The following HTR7 variants were observed in gnomAD, a reference collection of about 807,000 sequenced individuals.
HTR7 encodes the protein 5-hydroxytryptamine receptor 7.
A neutral mutation model predicts 34.0 loss-of-function variants in HTR7; 16 were observed. The ratio of observed to expected loss-of-function variants is 0.47; its 90% CI spans 0.32 to 0.71. The LOEUF is 0.71. Ranked by LOEUF, HTR7 falls within the 30% of genes least tolerant of loss-of-function variation. The pLI is 0.04. For synonymous variants in HTR7, 265 were observed against 260.2 expected (o/e 1.02, Z -0.18); for missense variants, 504 against 625.5 (o/e 0.81, Z 2.07).
intron 1 of HTR7, among the ~76,000 whole-genome samples, chr10:90,806,540 A>G (rs561296193): frequency 2.6e-5 from 4 of 152,306 alleles, no homozygotes; most frequent in Admixed American, 2.6e-4. Flanking sequence ...CGGAGCTTGT[A>G]GTGAGCCGAG....
intron 1 of HTR7, among the ~76,000 whole-genome samples, chr10:90,797,006 C>T (rs147733474): frequency 3.4e-5 from 5 of 148,776 alleles, no homozygotes; most frequent in African/African-American, 7.5e-5. Flanking sequence ...AGCAAGACTC[C>T]GTCTCAAAAA....
At chr10:90,850,994 T>C (rs1846488928) in intron 1 of HTR7, among the ~76,000 whole-genome samples, 2 of 152,076 alleles carry the variant, frequency 1.3e-5, no homozygotes, top group Admixed American at 1.3e-4. Flanking sequence ...ATTAAAGATA[T>C]CAATACACAA....
chr10:90,756,105 A>C (rs140697300), intron 1 of HTR7, among the ~76,000 whole-genome samples: 2,300 of 152,344 alleles, frequency 0.015, 19 homozygotes, highest in Middle Eastern at 0.024. Flanking sequence ...GAGCTAAAGA[A>C]GCTAAAAAAC....
intron 1 of HTR7, among the ~76,000 whole-genome samples, chr10:90,792,852 G>T (rs1354794125): frequency 6.6e-6 from 1 of 151,996 alleles, no homozygotes; most frequent in Non-Finnish European, 1.5e-5. Context: ...ACATGCAAAA[G>T]AATACAGTTG....
intron 1 of HTR7, among the ~76,000 whole-genome samples, chr10:90,837,983 C>A (rs1846277856): frequency 6.6e-6 from 1 of 152,184 alleles, no homozygotes; most frequent in Admixed American, 6.5e-5. Context: ...GACTAACCAT[C>A]CCTTTTTAAG....
chr10:90,763,938 T>C (rs879204315), intron 1 of HTR7, among the ~76,000 whole-genome samples: 3 of 152,208 alleles, frequency 2.0e-5, no homozygotes, highest in African/African-American at 4.8e-5. Context: ...TGTGTCTTTA[T>C]AGTAGAATAA....
At chr10:90,793,769 A>T (rs907587812) in intron 1 of HTR7, among the ~76,000 whole-genome samples, 1 of 152,138 alleles carries the variant, frequency 6.6e-6, no homozygotes, top group African/African-American at 2.4e-5. Context: ...AAACCTCAAA[A>T]ATAGGGAAGC....
chr10:90,828,671 T>TA (rs1159177285), intron 1 of HTR7, among the ~76,000 whole-genome samples: 2 of 152,038 alleles, frequency 1.3e-5, no homozygotes, highest in African/African-American at 4.8e-5. Context: ...AACATACCGA[T>TA]AACAAGTAAT....
intron 1 of HTR7, among the ~76,000 whole-genome samples, chr10:90,842,853 T>C (rs1846350841): frequency 6.6e-6 from 1 of 152,170 alleles, no homozygotes; most frequent in African/African-American, 2.4e-5. Flanking sequence ...ACTGGCAGCT[T>C]TGCTAATGTC....
Position 90,772,879 on chromosome 10 carries a change from T to A in HTR7, c.540-23285A>T, listed in dbSNP as rs1589444518. ...CTTTACAACCCTCTAGATATTATTA[T>A]CATCCCTATTTTACAAATGAGGAAA... On this transcript the variant is annotated intron_variant, in intron 1 of 3. Transcript: ENST00000336152. Among the ~76,000 whole-genome samples the A allele has an allele frequency of 1.3e-5, 2 of 152,306 alleles. 1 individual carries two copies. Among genetic ancestry groups the A allele is most frequent in the South Asian group, 4.1e-4 (2 of 4,830 alleles).
chr10:90,745,126 G>T (rs984609118), intron 2 of HTR7, among the ~76,000 whole-genome samples: 8 of 152,110 alleles, frequency 5.3e-5, no homozygotes, highest in African/African-American at 1.9e-4. Flanking sequence ...CAGAAAGGTT[G>T]CCATGTGCAT....
intron 1 of HTR7, among the ~76,000 whole-genome samples, chr10:90,845,198 C>T (rs1846395926): frequency 6.6e-6 from 1 of 152,106 alleles, no homozygotes. Flanking sequence ...GGATGGGAAC[C>T]TTGGACGAGG....
chr10:90,850,072 G>T (rs1011177601), intron 1 of HTR7, among the ~76,000 whole-genome samples: 26 of 152,248 alleles, frequency 1.7e-4, no homozygotes, highest in Admixed American at 9.2e-4. Flanking sequence ...AGAGCACTTG[G>T]CAGTCTCTTG....
intron 1 of HTR7, among the ~76,000 whole-genome samples, chr10:90,777,901 T>C (rs1030532121): frequency 6.6e-6 from 1 of 152,186 alleles, no homozygotes; most frequent in Admixed American, 6.6e-5. Flanking sequence ...ACAATGCCAC[T>C]TCCTTATCCA....
At chr10:90,811,957 C>T (rs1002412558) in intron 1 of HTR7, among the ~76,000 whole-genome samples, 3 of 152,172 alleles carry the variant, frequency 2.0e-5, no homozygotes, top group Non-Finnish European at 4.4e-5. Flanking sequence ...GTTTTTCAGG[C>T]TCTTAGTATT....
At chr10:90,849,332 T>C (rs1441167664) in intron 1 of HTR7, among the ~76,000 whole-genome samples, 2 of 152,222 alleles carry the variant, frequency 1.3e-5, no homozygotes, top group Non-Finnish European at 2.9e-5. Context: ...ACTTGGTAGT[T>C]TTTTGACATT....
In HTR7 at chr10:90,745,002, G is replaced by T. The variant is rs561948268; in HGVS notation, c.1296-1312C>A. On this transcript the variant is annotated intron_variant, in intron 2 of 3. Coordinates refer to ENST00000336152, the MANE Select transcript of HTR7 (RefSeq NM_019859.4). Reference sequence around the variant, plus strand: ...ATGCTTTGACCAACTTCATAGACATGCTTGAGTTCATATCCTTCAGGAAGT... The same window carrying T: ...ATGCTTTGACCAACTTCATAGACATTCTTGAGTTCATATCCTTCAGGAAGT... Among the ~76,000 whole-genome samples the T allele has an allele frequency of 2.5e-4, 38 of 152,218 alleles. No individual in the cohort carries two copies. In the South Asian group the frequency reaches 3.3e-3, roughly 13 times the overall value.
At chr10:90,759,932 A>G (rs1471431905) in intron 1 of HTR7, among the ~76,000 whole-genome samples, 3 of 152,210 alleles carry the variant, frequency 2.0e-5, no homozygotes, top group African/African-American at 4.8e-5. Flanking sequence ...AGTTTATACA[A>G]ATCCAACCTC....
At chr10:90,831,228 G>A (rs1015855228) in intron 1 of HTR7, among the ~76,000 whole-genome samples, 1 of 152,164 alleles carries the variant, frequency 6.6e-6, no homozygotes, top group Non-Finnish European at 1.5e-5. Flanking sequence ...GCAGACCCTC[G>A]CCGTGAGTGT....
Sources: allele counts gnomAD v4.1 joint callset (sites outside exome capture counted in the v4.1 genomes callset), GRCh38; gene constraint gnomAD v4.1.1; transcripts MANE v1.5; gene names NCBI Gene and HGNC (gene_info 2026-07-23, HGNC 2026-07-21).